Variants in CSTA observed in about 807,000 individuals in gnomAD.
The protein encoded by CSTA is cystatin-A.
In CSTA, 9 loss-of-function variants were observed where a neutral mutation model predicts 9.2. The ratio of observed to expected loss-of-function variants is 0.97; its 90% CI spans 0.59 to 1.70. The LOEUF is 1.70. Ranked by LOEUF, CSTA falls within the 40% of genes most tolerant of loss-of-function variation. The probability of loss-of-function intolerance (pLI) is 0.00; values close to 1 mark genes in which losing one functional copy is unlikely to be tolerated. For missense variants in CSTA, 118 were observed against 113.1 expected (o/e 1.04, Z -0.20); for synonymous variants, 36 against 40.6 (o/e 0.89, Z 0.43).
intron 1 of CSTA, among the ~76,000 whole-genome samples, chr3:122,336,605 G>A (rs1029734787): frequency 6.6e-6 from 1 of 152,146 alleles, no homozygotes; most frequent in African/African-American, 2.4e-5. Flanking sequence ...CATTGTTGTA[G>A]GCAAGAACCA....
chr3:122,331,557 G>A (rs932246992), intron 1 of CSTA, among the ~76,000 whole-genome samples: 2 of 152,032 alleles, frequency 1.3e-5, no homozygotes, highest in African/African-American at 4.8e-5. Flanking sequence ...TCAATTAAAG[G>A]TCACACCCAC....
chr3:122,340,325 G>A (rs995302005), intron 2 of CSTA, among the ~76,000 whole-genome samples: 39 of 150,862 alleles, frequency 2.6e-4, no homozygotes, highest in Non-Finnish European at 5.3e-4. Context: ...TCTTTTTTGA[G>A]ACGGAGTTTC....
At chr3:122,334,606 A>G (rs1236564314) in intron 1 of CSTA, among the ~76,000 whole-genome samples, 2 of 152,194 alleles carry the variant, frequency 1.3e-5, no homozygotes, top group African/African-American at 2.4e-5. Context: ...AAGGGCATAA[A>G]AGCAAGTTCT....
rs1371796002 is a variant in CSTA, at chr3:122,341,387, G to T, written c.169-52G>T. The T allele has an allele frequency of 1.9e-6, 3 of 1,604,808 alleles. No individual in the cohort carries two copies. The South Asian group carries it at 3.3e-5, about 18-fold the overall frequency. ...ACCTGTGGCTCTCTCACTTGATGTA[G>T]ACCCATTTGAATGAATCTCCTTTTG... On this transcript the variant is annotated intron_variant, in intron 2 of 2. Coordinates refer to ENST00000264474, the MANE Select transcript of CSTA (RefSeq NM_005213.4).
rs897870182 is a variant in CSTA at position 122,340,942 on chromosome 3, CA to C, written c.169-495del. 4.4e-4 allele frequency among the ~76,000 whole-genome samples: 26 copies of C among 59,524 alleles called. No individual in the cohort carries two copies. In the East Asian group the frequency reaches 0.014, roughly 31 times the overall value. 39.1% of individuals were successfully genotyped at this position (59,524 alleles called of 152,430 possible). A position where few individuals can be genotyped will look rare whatever the true frequency, so the allele number is the denominator to read the frequency against. Reference sequence around the variant, plus strand: ...TGCCTCTTGCCATGCCATTAGTCTACAATTTTTTTTTTTTTTTAAGACAAAC... The same window carrying C: ...TGCCTCTTGCCATGCCATTAGTCTACATTTTTTTTTTTTTTTAAGACAAAC... On this transcript the variant is annotated intron_variant, in intron 2 of 2. Transcript: ENST00000264474.
intron 1 of CSTA, among the ~76,000 whole-genome samples, chr3:122,330,123 A>G (rs2075195769): frequency 6.6e-6 from 1 of 152,242 alleles, no homozygotes; most frequent in African/African-American, 2.4e-5. Flanking sequence ...CTTCTCCAAA[A>G]TTACAGTTAG....
At chr3:122,331,438 C>A (rs948072720) in intron 1 of CSTA, among the ~76,000 whole-genome samples, 1 of 152,126 alleles carries the variant, frequency 6.6e-6, no homozygotes, top group Non-Finnish European at 1.5e-5. Flanking sequence ...CATGCCCAGG[C>A]CCACTGAGTC....
chr3:122,327,296 G>A (rs12637428), intron 1 of CSTA, among the ~76,000 whole-genome samples: 14,211 of 151,160 alleles, frequency 0.094, 1,334 homozygotes, highest in East Asian at 0.46. Context: ...TTGGGAGGCC[G>A]AGGCGGGTGG....
intron 1 of CSTA, among the ~76,000 whole-genome samples, chr3:122,335,886 C>T (rs1576893142): frequency 1.3e-5 from 2 of 151,750 alleles, no homozygotes; most frequent in East Asian, 3.9e-4. Context: ...CCCGCCTCTG[C>T]CTCCCAAAGT....
chr3:122,327,821 G>C lies in CSTA; in HGVS notation c.66+2463G>C, dbSNP rs543464442. 3.3e-5 allele frequency among the ~76,000 whole-genome samples: 5 copies of C among 152,164 alleles called. No homozygotes were observed. The South Asian group carries it at 1.0e-3, about 32-fold the overall frequency. On this transcript the variant is annotated intron_variant, in intron 1 of 2. Coordinates refer to ENST00000264474, the MANE Select transcript of CSTA (RefSeq NM_005213.4). The stretch of plus-strand genomic sequence containing the variant: ...TAGGGAAAAATAAATTTGAAATAGA[G>C]ACAGTACAGAAAATTTTAATGATTT...
At chr3:122,334,574 A>G (rs2075226169) in intron 1 of CSTA, among the ~76,000 whole-genome samples, 1 of 152,198 alleles carries the variant, frequency 6.6e-6, no homozygotes, top group African/African-American at 2.4e-5. Context: ...TTGAAGTTGT[A>G]TGGACATGCA....
intron 1 of CSTA, among the ~76,000 whole-genome samples, chr3:122,329,302 G>C (rs1339823735): frequency 6.6e-6 from 1 of 152,098 alleles, no homozygotes; most frequent in Non-Finnish European, 1.5e-5. Context: ...GGACTGGTGC[G>C]GTGGCTCTCG....
chr3:122,333,862 T>C (rs979420061), intron 1 of CSTA, among the ~76,000 whole-genome samples: 6 of 152,234 alleles, frequency 3.9e-5, no homozygotes, highest in Non-Finnish European at 5.9e-5. Flanking sequence ...AAAATAACTA[T>C]GTTGAATAAT....
At chr3:122,339,609 T>TTGGGAGGCCAAGG (rs1219640741) in intron 2 of CSTA, among the ~76,000 whole-genome samples, 1 of 152,164 alleles carries the variant, frequency 6.6e-6, no homozygotes. Flanking sequence ...TCCGAACACT[T>TTGGGAGGCCAAGG]TGGGAGGCCA....
rs2075242914 is a variant in CSTA, at chr3:122,337,588, A to C, written c.108A>C (p.Gly36=). The C allele has an allele frequency of 6.2e-7, 1 of 1,613,392 alleles. No homozygotes were observed. Among genetic ancestry groups the C allele is most frequent in the East Asian group, 2.2e-5 (1 of 44,852 alleles). ...AAGAAAAAACAAATGAGACTTACGG[A>C]AAATTGGAAGCTGTGCAGTATAAAA... ...QLEEKTNETY[G]KLEAVQYKTQ... is the part of the protein sequence containing the mutation. The change falls in exon 2 of 3, where the codon GGA becomes GGC. Residue 36 remains glycine (G), a synonymous_variant. Transcript: ENST00000264474.
chr3:122,337,304 C>T (rs750924568), intron 1 of CSTA, among the ~76,000 whole-genome samples: 4 of 152,104 alleles, frequency 2.6e-5, no homozygotes, highest in African/African-American at 4.8e-5. Flanking sequence ...GCAGTCAAAA[C>T]GCTCCTATAT....
intron 1 of CSTA, among the ~76,000 whole-genome samples, chr3:122,328,615 A>G (rs2075183994): frequency 6.6e-6 from 1 of 151,972 alleles, no homozygotes; most frequent in Non-Finnish European, 1.5e-5. Context: ...TTGTTAGGAA[A>G]CGGAAATACA....
At chr3:122,331,618 C>A (rs969666975) in intron 1 of CSTA, among the ~76,000 whole-genome samples, 2 of 152,170 alleles carry the variant, frequency 1.3e-5, no homozygotes, top group Non-Finnish European at 2.9e-5. Flanking sequence ...AAGAACTTTG[C>A]CAAAGCGAGG....
At chr3:122,338,969 GC>G (rs1334300397) in intron 2 of CSTA, among the ~76,000 whole-genome samples, 1 of 151,840 alleles carries the variant, frequency 6.6e-6, no homozygotes, top group Admixed American at 6.6e-5. Context: ...TCTTCCTTCT[GC>G]TATCAAACTT....
Sources: allele counts gnomAD v4.1 joint callset (sites outside exome capture counted in the v4.1 genomes callset), GRCh38; gene constraint gnomAD v4.1.1; transcripts MANE v1.5; gene names NCBI Gene and HGNC (gene_info 2026-07-23, HGNC 2026-07-21).